Variants in STK3 observed in about 807,000 individuals in gnomAD.
STK3 encodes serine/threonine kinase 3.
STK3 carries 41 observed loss-of-function variants against 58.0 expected under a neutral mutation model. The observed-to-expected ratio is 0.71, with a 90% CI of 0.55 to 0.92. The LOEUF is 0.92. Among genes scored for constraint, STK3 ranks in the 40% least tolerant of loss-of-function variants. The pLI, the probability that STK3 is intolerant of heterozygous loss-of-function variation, is 0.00. For synonymous variants in STK3, 170 were observed against 191.0 expected, an observed-to-expected ratio of 0.89 and a Z score of 0.91; for missense variants, 479 against 602.7, an observed-to-expected ratio of 0.79 and a Z score of 2.15.
chr8:98,458,296 C>G (rs191533202), intron 10 of STK3, among the ~76,000 whole-genome samples: 1 of 152,182 alleles, frequency 6.6e-6, no homozygotes, highest in Non-Finnish European at 1.5e-5. Flanking sequence ...AATATTGATT[C>G]TTCCAATCCA....
chr8:98,370,579 G>T (rs965496878), downstream of STK3, among the ~76,000 whole-genome samples: 1 of 152,140 alleles, frequency 6.6e-6, no homozygotes, highest in African/African-American at 2.4e-5. Flanking sequence ...TAAACCCAAG[G>T]ATGAGTAGGA....
intron 3 of STK3, among the ~76,000 whole-genome samples, chr8:98,407,968 T>G (rs1818015100): frequency 6.6e-6 from 1 of 152,210 alleles, no homozygotes; most frequent in African/African-American, 2.4e-5. Flanking sequence ...TCCATTATAC[T>G]CGCAGTGAAC....
chr8:98,841,283 G>A (rs1835970830), intron 3 of STK3, among the ~76,000 whole-genome samples: 1 of 152,074 alleles, frequency 6.6e-6, no homozygotes, highest in African/African-American at 2.4e-5. Flanking sequence ...TGGGAGGGAG[G>A]GATATGTTCA....
chr8:98,658,277 T>A (rs1821696326), intron 6 of STK3, among the ~76,000 whole-genome samples: 1 of 151,956 alleles, frequency 6.6e-6, no homozygotes, highest in Admixed American at 6.6e-5. Flanking sequence ...AAAATGAGCT[T>A]TGGAGCAAAA....
At chr8:98,494,218 T>C (rs1233625927) in intron 10 of STK3, among the ~76,000 whole-genome samples, 1 of 152,204 alleles carries the variant, frequency 6.6e-6, no homozygotes. Flanking sequence ...TTTCATGCTC[T>C]AGCAACACTG....
At chr8:98,903,557 C>CTTCTTCT (rs1564093746) in intron 1 of STK3, among the ~76,000 whole-genome samples, 5 of 9,938 alleles carry the variant, frequency 5.0e-4, no homozygotes, top group Admixed American at 9.6e-4. Flanking sequence ...CTTCTTCTTC[C>CTTCTTCT]TTTTTTTTTT....
rs533108157 is a variant in STK3 at position 98,800,005 on chromosome 8, C to T, written c.27-25186G>A. On this transcript the variant is annotated intron_variant, in intron 1 of 10. Transcript: ENST00000419617. The surrounding 1 kb of genome is among the most constrained non-coding windows in gnomAD (Gnocchi z 4.8). ...GCCAGGGATAGTACAAGATGCCACC[C>T]AGCGTTTACAGGAAAAGGCTTCTGA... is the stretch of plus-strand genomic sequence containing the variant. Among the ~76,000 whole-genome samples the T allele has an allele frequency of 6.6e-6, 1 of 152,268 alleles. No homozygotes were observed. Among genetic ancestry groups the T allele is most frequent in the East Asian group, 1.9e-4 (1 of 5,178 alleles).
chr8:98,789,586 C>T (rs1832679851), intron 1 of STK3, among the ~76,000 whole-genome samples: 1 of 151,920 alleles, frequency 6.6e-6, no homozygotes, highest in South Asian at 2.1e-4. Flanking sequence ...ACAACTGATA[C>T]CAAGGAAATA....
At chr8:98,388,399 T>C (rs1035296228), upstream of STK3, among the ~76,000 whole-genome samples, 30 of 152,200 alleles carry the variant, frequency 2.0e-4, no homozygotes, top group Non-Finnish European at 3.5e-4. Context: ...ATGCTGACAA[T>C]ACTTGAACCC....
At chr8:98,875,006 T>C (rs557338113) in intron 3 of STK3, among the ~76,000 whole-genome samples, 1 of 152,282 alleles carries the variant, frequency 6.6e-6, no homozygotes, top group African/African-American at 2.4e-5. Context: ...TTTGAAACAA[T>C]ACATGACAAC....
intron 1 of STK3, among the ~76,000 whole-genome samples, chr8:98,919,977 G>A (rs537896322): frequency 1.5e-4 from 23 of 152,264 alleles, no homozygotes; most frequent in African/African-American, 5.5e-4. Flanking sequence ...ATATGCTTTT[G>A]CCTTATGAAT....
At chr8:98,896,961 A>T (rs1011304972) in intron 1 of STK3, among the ~76,000 whole-genome samples, 1 of 152,192 alleles carries the variant, frequency 6.6e-6, no homozygotes, top group Non-Finnish European at 1.5e-5. Context: ...CATGGGCGAC[A>T]GAGACCCTGT....
rs1403272448 is a variant in STK3 at position 98,512,560 on chromosome 8, T to G, written c.1317+14182A>C. On this transcript the variant is annotated intron_variant, in intron 10 of 10. Coordinates refer to ENST00000419617, the MANE Select transcript of STK3 (RefSeq NM_006281.4). The stretch of plus-strand genomic sequence containing the variant: ...TATTTGTATGAAGCTAAAAATTTCT[T>G]ACCAAAAAGTTAGTAAAAATAGACA... 5.9e-5 allele frequency among the ~76,000 whole-genome samples: 9 copies of G among 152,160 alleles called. No individual in the cohort carries two copies. The East Asian group carries it at 1.7e-3, about 29-fold the overall frequency.
chr8:98,481,304 GT>G (rs975603757), intron 10 of STK3, among the ~76,000 whole-genome samples: 36 of 152,048 alleles, frequency 2.4e-4, no homozygotes, highest in Non-Finnish European at 2.6e-4. Context: ...GCACTTGTAT[GT>G]TTACTGTGGC....
Position 98,424,089 on chromosome 8 carries a change from A to T in STK3, n.483+10038T>A, listed in dbSNP as rs150968233. Among the ~76,000 whole-genome samples, 1,012 of 152,384 alleles carry T rather than the reference A, an allele frequency of 6.6e-3. 15 individuals carry two copies. Among genetic ancestry groups the T allele is most frequent in the African/African-American group, 0.023 (961 of 41,592 alleles). On this transcript the variant is annotated intron_variant and non_coding_transcript_variant, in intron 3 of 3. Coordinates refer to the STK3 transcript ENST00000517832. ...GCTTCCCCGGTATGGAAGGAGGGAGATGGCTCCATTTCTTTTCAGCACGAT... is the reference window on the plus strand; with the variant it reads ...GCTTCCCCGGTATGGAAGGAGGGAGTTGGCTCCATTTCTTTTCAGCACGAT...
chr8:98,794,773 A>G (rs1833019655), intron 1 of STK3, among the ~76,000 whole-genome samples: 1 of 152,002 alleles, frequency 6.6e-6, no homozygotes, highest in African/African-American at 2.4e-5. Context: ...CAGTAAAATA[A>G]CTAGTAAACC....
intron 10 of STK3, among the ~76,000 whole-genome samples, chr8:98,489,022 A>C (rs983041971): frequency 1.6e-4 from 24 of 152,056 alleles, no homozygotes; most frequent in African/African-American, 5.3e-4. Context: ...TTGACCATGA[A>C]ACTGAGAGCC....
chr8:98,575,917 TTTG>T (rs1179549911), intron 8 of STK3, among the ~76,000 whole-genome samples: 1 of 152,242 alleles, frequency 6.6e-6, no homozygotes, highest in Non-Finnish European at 1.5e-5. Context: ...GTTTATCTTT[TTTG>T]TTATTTCTGC....
intron 3 of STK3, among the ~76,000 whole-genome samples, chr8:98,878,503 G>A (rs1353645743): frequency 1.3e-5 from 2 of 151,872 alleles, no homozygotes; most frequent in Admixed American, 6.6e-5. Flanking sequence ...GACAAATTCC[G>A]ATTACCAGCT....
Sources: gnomAD v4.1 joint callset for allele counts (sites outside exome capture counted in the v4.1 genomes callset) on GRCh38, gnomAD v4.1.1 for gene constraint, Gnocchi (gnomAD v3.1) non-coding constraint, MANE v1.5 for transcripts, NCBI Gene and HGNC (gene_info 2026-07-23, HGNC 2026-07-21) for gene names.